Variants in SLC39A9 observed in about 807,000 individuals in gnomAD.
SLC39A9 encodes zinc transporter ZIP9.
SLC39A9 carries 14 observed loss-of-function variants against 28.4 expected under a neutral mutation model. The ratio of observed to expected loss-of-function variants is 0.49; its 90% CI spans 0.33 to 0.77. The LOEUF is 0.77. Ranked by LOEUF, SLC39A9 falls within the 30% of genes least tolerant of loss-of-function variation. The probability of loss-of-function intolerance (pLI) is 0.02; values close to 1 mark genes in which losing one functional copy is unlikely to be tolerated. For missense variants in SLC39A9, 283 were observed against 381.1 expected, an observed-to-expected ratio of 0.74 and a Z score of 2.14; for synonymous variants, 119 against 149.6, an observed-to-expected ratio of 0.80 and a Z score of 1.49.
chr14:69,419,868 C>G (rs1029123197), intron 1 of SLC39A9, among the ~76,000 whole-genome samples: 1 of 152,120 alleles, frequency 6.6e-6, no homozygotes, highest in Non-Finnish European at 1.5e-5. Context: ...TCCTCCATCC[C>G]TTTATTTTGA....
At chr14:69,447,863 A>G (rs1011664111) in intron 3 of SLC39A9, among the ~76,000 whole-genome samples, 5 of 150,824 alleles carry the variant, frequency 3.3e-5, no homozygotes, top group African/African-American at 1.2e-4. Context: ...CAGTGAGCCA[A>G]TATTGTGCCA....
At chr14:69,419,650 T>A (rs538790414) in intron 1 of SLC39A9, among the ~76,000 whole-genome samples, 4 of 152,146 alleles carry the variant, frequency 2.6e-5, no homozygotes, top group Admixed American at 6.6e-5. Flanking sequence ...CTCTTTGCAG[T>A]TCTCTAAGGA....
At position 69,420,357 on chromosome 14, in the gene SLC39A9, T is replaced by C. The variant is rs144093881; in HGVS notation, c.97-3737T>C. On this transcript the variant is annotated intron_variant, in intron 1 of 6. Transcript: ENST00000336643. Reference sequence around the variant, plus strand: ...CTCTTCTGGCTTGTAGAGTTTCTGCTGAGAGATACGCTGTTAGTCTGATGG... The same window carrying C: ...CTCTTCTGGCTTGTAGAGTTTCTGCCGAGAGATACGCTGTTAGTCTGATGG... Among the ~76,000 whole-genome samples, 812 of 152,350 alleles carry C rather than the reference T, an allele frequency of 5.3e-3. 4 individuals are homozygous for C. The highest frequency in any genetic ancestry group is 0.019 in the African/African-American group (776 of 41,578).
intron 3 of SLC39A9, among the ~76,000 whole-genome samples, chr14:69,451,131 T>C (rs891666762): frequency 6.6e-6 from 1 of 152,218 alleles, no homozygotes; most frequent in African/African-American, 2.4e-5. Context: ...TGACTGTTCC[T>C]TCCAGTTCAG....
At chr14:69,398,412 A>G (rs181050726), upstream of SLC39A9, 192 of 775,068 alleles carry the variant, frequency 2.5e-4, no homozygotes, top group African/African-American at 3.1e-3. Flanking sequence ...TAGAGCAGCT[A>G]CTGACTCTGT....
chr14:69,442,115 C>T lies in SLC39A9; in HGVS notation c.252C>T (p.Asp84=). The change falls in exon 3 of 7, where the codon GAC becomes GAT. Residue 84 remains aspartate, a synonymous_variant. Coordinates refer to ENST00000336643, the MANE Select transcript of SLC39A9 (RefSeq NM_018375.5). ...AAACACATAATGTGATTGCATCAGA[C>T]AAAGCAGCAGAAAAATCAGTTGTCC... ...ASETHNVIAS[D]KAAEKSVVHE... is the part of the protein sequence containing the mutation. The T allele has an allele frequency of 6.2e-7, 1 of 1,614,146 alleles. No individual in the cohort carries two copies. The highest frequency in any genetic ancestry group is 1.6e-4 in the Middle Eastern group (1 of 6,062).
intron 1 of SLC39A9, among the ~76,000 whole-genome samples, chr14:69,407,924 C>G (rs1367494934): frequency 6.6e-6 from 1 of 152,212 alleles, no homozygotes; most frequent in African/African-American, 2.4e-5. Flanking sequence ...GCCACCGCAC[C>G]CGGCCCTGCT....
Position 69,461,905 on chromosome 14 carries a change from A to G in SLC39A9, c.*3312A>G. ...GCAGTGTTAAGTGAAAATCCTCTGT[A>G]GTTGTTCTGCAGAGGAACCTTCCTT... On this transcript the variant is annotated 3_prime_UTR_variant, in exon 7 of 7. Transcript: ENST00000336643. The G allele has an allele frequency of 1.5e-6, 1 of 658,208 alleles. No individual in the cohort carries two copies. Among genetic ancestry groups the G allele is most frequent in the Non-Finnish European group, 2.4e-6 (1 of 411,082 alleles). 40.8% of individuals were successfully genotyped at this position (658,208 alleles called of 1,614,324 possible).
At chr14:69,432,785 C>T (rs1884560638) in intron 2 of SLC39A9, among the ~76,000 whole-genome samples, 2 of 152,278 alleles carry the variant, frequency 1.3e-5, no homozygotes, top group Admixed American at 6.5e-5. Flanking sequence ...ACTATCCCAG[C>T]ACCATTTATT....
In SLC39A9 at chr14:69,461,447, G is replaced by A. The variant is rs779181253; in HGVS notation, c.*2854G>A. 65 of 1,336,198 alleles carry A rather than the reference G, an allele frequency of 4.9e-5. No individual in the cohort carries two copies. Among genetic ancestry groups the A allele is most frequent in the Non-Finnish European group, 4.7e-5 (49 of 1,038,828 alleles). 82.8% of individuals were successfully genotyped at this position (1,336,198 alleles called of 1,614,324 possible). A position where few individuals can be genotyped will look rare whatever the true frequency, so the allele number is the denominator to read the frequency against. On this transcript the variant is annotated 3_prime_UTR_variant, in exon 7 of 7. Transcript: ENST00000336643. The stretch of plus-strand genomic sequence containing the variant: ...TTTAGCAAAGATTCTGCACTGGAAC[G>A]TAGACAGTTGGAAACAGTACTACCT...
intron 1 of SLC39A9, among the ~76,000 whole-genome samples, chr14:69,414,792 G>A (rs1204949987): frequency 1.3e-5 from 2 of 152,186 alleles, no homozygotes; most frequent in African/African-American, 4.8e-5. Flanking sequence ...TCCCCACTGT[G>A]TGGCCACCCT....
intron 1 of SLC39A9, among the ~76,000 whole-genome samples, chr14:69,416,480 T>C (rs542959628): frequency 5.0e-4 from 76 of 152,372 alleles, no homozygotes; most frequent in African/African-American, 1.8e-3. Flanking sequence ...ACTTTGGGTA[T>C]ATACCCAGTA....
chr14:69,447,572 T>A (rs964870603), intron 3 of SLC39A9, among the ~76,000 whole-genome samples: 2 of 152,124 alleles, frequency 1.3e-5, no homozygotes, highest in African/African-American at 4.8e-5. Context: ...CAGCTGACCC[T>A]GAACCATGCT....
chr14:69,411,699 G>T (rs527358484), intron 1 of SLC39A9, among the ~76,000 whole-genome samples: 4 of 151,422 alleles, frequency 2.6e-5, no homozygotes, highest in East Asian at 3.9e-4. Context: ...TTGTGTGAAA[G>T]AATACAGCCA....
At chr14:69,453,360 A>G (rs1885706643) in intron 4 of SLC39A9, 51 bp downstream of exon 4, 1 of 1,540,286 alleles carries the variant, frequency 6.5e-7, no homozygotes, top group South Asian at 1.1e-5. Context: ...CACAGGGGAG[A>G]CCTTAGTGTT....
intron 3 of SLC39A9, among the ~76,000 whole-genome samples, chr14:69,451,433 T>G (rs1172900085): frequency 1.3e-5 from 2 of 152,206 alleles, no homozygotes; most frequent in Non-Finnish European, 1.5e-5. Flanking sequence ...ACATCTTTAT[T>G]TAATACACAT....
At chr14:69,416,109 C>T (rs2140263487) in intron 1 of SLC39A9, among the ~76,000 whole-genome samples, 1 of 152,082 alleles carries the variant, frequency 6.6e-6, no homozygotes, top group East Asian at 1.9e-4. Context: ...GTGATGTTCC[C>T]CACCCTGTGT....
intron 2 of SLC39A9, among the ~76,000 whole-genome samples, chr14:69,424,966 G>T (rs1021623689): frequency 6.6e-6 from 1 of 152,170 alleles, no homozygotes; most frequent in Non-Finnish European, 1.5e-5. Context: ...TACTTTTTCA[G>T]ATCTTGGTAG....
In SLC39A9 at chr14:69,442,237, T is replaced by G. The variant is rs1181777152; in HGVS notation, c.374T>G (p.Ile125Ser). Residue 125 changes from isoleucine to serine, a missense_variant, in exon 3 of 7, where the codon ATT becomes AGT. Ile to Ser is a moderately radical substitution (Grantham distance 142). Transcript: ENST00000336643. ...GTTTTCATGTTGCTGGTGGACCAGATTGGTAACTCCCATGTGCATTCTACT... is the reference window on the plus strand; with the variant it reads ...GTTTTCATGTTGCTGGTGGACCAGAGTGGTAACTCCCATGTGCATTCTACT... ...GFVFMLLVDQIGNSHVHSTDD... is the reference protein window; with the variant it reads ...GFVFMLLVDQSGNSHVHSTDD... 1 of 1,614,206 alleles carries G rather than the reference T, an allele frequency of 6.2e-7. No homozygotes were observed. Among genetic ancestry groups the G allele is most frequent in the African/African-American group, 1.3e-5 (1 of 75,042 alleles).
Sources: gnomAD v4.1 joint callset for allele counts (sites outside exome capture counted in the v4.1 genomes callset) on GRCh38, gnomAD v4.1.1 for gene constraint, MANE v1.5 for transcripts, NCBI Gene and HGNC (gene_info 2026-07-23, HGNC 2026-07-21) for gene names.